ATP9B: variants seen among roughly 807,000 people sequenced by gnomAD.
ATP9B encodes probable phospholipid-transporting ATPase IIB.
In ATP9B, 110 loss-of-function variants were observed where a neutral mutation model predicts 146.1. The observed-to-expected ratio is 0.75, with a 90% CI of 0.65 to 0.88. ATP9B has a LOEUF of 0.88. ATP9B is among the 40% of genes least tolerant of loss of function. ATP9B has a pLI of 0.00. For synonymous variants in ATP9B, 604 were observed against 569.7 expected (o/e 1.06, Z -0.86); for missense variants, 1,499 against 1,496.4 (o/e 1.00, Z -0.03).
At chr18:79,170,565 G>T (rs973943154) in intron 7 of ATP9B, among the ~76,000 whole-genome samples, 1 of 152,128 alleles carries the variant, frequency 6.6e-6, no homozygotes, top group Admixed American at 6.5e-5. Context: ...TGATTTTTAT[G>T]CCATTCTGTA....
chr18:79,337,139 GT>G, intron 18 of ATP9B, 139 bp from the exon 19 acceptor site: 1 of 1,190,374 alleles, frequency 8.4e-7, no homozygotes. Flanking sequence ...GTCCAGCTCT[GT>G]GGAGTACACA....
At chr18:79,194,454 A>G (rs1437433519) in intron 9 of ATP9B, 1 of 152,296 alleles carries the variant, frequency 6.6e-6, no homozygotes, top group African/African-American at 2.4e-5. Context: ...GTTGGCTGAA[A>G]AACCTGGTTC....
At chr18:79,323,534 C>T (rs2096727692) in intron 15 of ATP9B, among the ~76,000 whole-genome samples, 1 of 152,106 alleles carries the variant, frequency 6.6e-6, no homozygotes, top group African/African-American at 2.4e-5. Context: ...TTCTTAGCTC[C>T]CACATAAGAA....
At chr18:79,352,939 T>C (rs1297955595) in intron 25 of ATP9B, 2 of 152,222 alleles carry the variant, frequency 1.3e-5, no homozygotes, top group Non-Finnish European at 2.9e-5. Context: ...AACTCAACGA[T>C]CAGACAGACA....
rs768898975 is a variant in ATP9B, at chr18:79,113,246, G to T, written c.450G>T (p.Leu150Phe). ...TTTTCTCTTTTCCTTTTTAGGTTTT[G>T]TATGAACAATTCAAGTTTTTCTTGA... ...YNVFTFIPGV[L>F]YEQFKFFLNL... Residue 150 changes from leucine to phenylalanine, a missense_variant, in exon 4 of 30, where the codon TTG (leucine) becomes TTT (phenylalanine). Transcript: ENST00000426216. 6.4e-6 allele frequency: 10 copies of T among 1,552,942 alleles called. No individual in the cohort carries two copies. Among genetic ancestry groups the T allele is most frequent in the South Asian group, 2.3e-5 (2 of 85,750 alleles).
intron 1 of ATP9B, among the ~76,000 whole-genome samples, chr18:79,081,208 T>C (rs2073226914): frequency 6.6e-6 from 1 of 152,150 alleles, no homozygotes; most frequent in African/African-American, 2.4e-5. Context: ...CAGCTCCTCT[T>C]TGTACTTCTG....
At chr18:79,272,608 C>T (rs1460345169) in intron 12 of ATP9B, among the ~76,000 whole-genome samples, 1 of 151,744 alleles carries the variant, frequency 6.6e-6, no homozygotes, top group Non-Finnish European at 1.5e-5. Flanking sequence ...TGCACGGATA[C>T]GCTCCTCTCC....
intron 13 of ATP9B, among the ~76,000 whole-genome samples, chr18:79,287,303 A>T (rs200383987): frequency 6.6e-6 from 1 of 151,974 alleles, no homozygotes; most frequent in Non-Finnish European, 1.5e-5. Flanking sequence ...AGAGCCTGTT[A>T]TTGGTCTATT....
chr18:79,136,284 T>C (rs1429640701), intron 5 of ATP9B, among the ~76,000 whole-genome samples: 1 of 152,346 alleles, frequency 6.6e-6, no homozygotes, highest in East Asian at 1.9e-4. Flanking sequence ...ATATTTAATC[T>C]TTTGACCCAT....
At chr18:79,328,855 C>T (rs1236828649) in intron 15 of ATP9B, among the ~76,000 whole-genome samples, 1 of 152,146 alleles carries the variant, frequency 6.6e-6, no homozygotes, top group Non-Finnish European at 1.5e-5. Context: ...AACCATCTGG[C>T]TCTAGGGAGC....
intron 9 of ATP9B, among the ~76,000 whole-genome samples, chr18:79,205,618 G>A (rs1355777427): frequency 2.6e-5 from 4 of 152,038 alleles, no homozygotes; most frequent in Non-Finnish European, 5.9e-5. Context: ...TCCAGATGTC[G>A]AGGTCACTGC....
chr18:79,202,848 C>T (rs2095501025), intron 9 of ATP9B, among the ~76,000 whole-genome samples: 2 of 152,154 alleles, frequency 1.3e-5, no homozygotes, highest in Admixed American at 6.5e-5. Flanking sequence ...AGAAAAGTAA[C>T]AGGAAACCAG....
In ATP9B at chr18:79,289,455, T is replaced by C. The variant is rs1037807428; in HGVS notation, c.1411+12259T>C. 6.6e-5 allele frequency among the ~76,000 whole-genome samples: 10 copies of C among 152,242 alleles called. No individual in the cohort carries two copies. The South Asian group carries it at 1.2e-3, about 19-fold the overall frequency. On this transcript the variant is annotated intron_variant, in intron 13 of 29. Coordinates refer to ENST00000426216, the MANE Select transcript of ATP9B (RefSeq NM_198531.5). The stretch of plus-strand genomic sequence containing the variant: ...TTCATGTAGTTCTCGAGACTTGGCT[T>C]TCAGCTCCATCAGCTCCTTTAAGCA...
intron 12 of ATP9B, among the ~76,000 whole-genome samples, chr18:79,266,978 C>T (rs1022740469): frequency 4.0e-5 from 6 of 150,668 alleles, no homozygotes; most frequent in Non-Finnish European, 7.4e-5. Flanking sequence ...ATTTTTTTTT[C>T]TCATTTTCTT....
chr18:79,223,202 C>A (rs2095697496), intron 11 of ATP9B, among the ~76,000 whole-genome samples: 1 of 152,118 alleles, frequency 6.6e-6, no homozygotes, highest in South Asian at 2.1e-4. Context: ...AAAATAGAGT[C>A]CAGCTGTGGT....
intron 8 of ATP9B, among the ~76,000 whole-genome samples, chr18:79,179,045 T>C (rs556390576): frequency 6.6e-6 from 1 of 152,372 alleles, no homozygotes; most frequent in South Asian, 2.1e-4. Context: ...GGTATAGAGT[T>C]AATCAGATTT....
intron 1 of ATP9B, among the ~76,000 whole-genome samples, chr18:79,071,295 G>GT (rs1228919838): frequency 6.7e-6 from 1 of 150,006 alleles, no homozygotes; most frequent in African/African-American, 2.4e-5. Flanking sequence ...TGGTGTTACA[G>GT]TTTTTGTGTC....
chr18:79,340,420 G>A (rs954783351), intron 19 of ATP9B: 2 of 152,164 alleles, frequency 1.3e-5, no homozygotes, highest in Non-Finnish European at 2.9e-5. Flanking sequence ...ACTTTGTCAT[G>A]ATGATGTGTC....
At chr18:79,208,755 A>G (rs564239327) in intron 10 of ATP9B, among the ~76,000 whole-genome samples, 48 of 151,432 alleles carry the variant, frequency 3.2e-4, no homozygotes, top group African/African-American at 9.0e-4. Flanking sequence ...GTGTGTGTGT[A>G]TATATATATA....
Sources: gnomAD v4.1 joint callset for allele counts (sites outside exome capture counted in the v4.1 genomes callset) on GRCh38, gnomAD v4.1.1 for gene constraint, MANE v1.5 for transcripts, NCBI Gene and HGNC (gene_info 2026-07-23, HGNC 2026-07-21) for gene names.